The following RBM27 variants were observed in gnomAD, a reference collection of about 807,000 sequenced individuals.
RBM27 encodes RNA binding motif protein 27.
Under a neutral mutation model 135.3 loss-of-function variants are expected in RBM27, and 22 were observed. The observed-to-expected ratio is 0.16, with a 90% CI of 0.12 to 0.23. The LOEUF is 0.23. Ranked by LOEUF, RBM27 falls within the 10% of genes least tolerant of loss-of-function variation. The pLI, the probability that RBM27 is intolerant of heterozygous loss-of-function variation, is 1.00. For missense variants in RBM27, 1,009 were observed against 1,281.0 expected (o/e 0.79, Z 3.24); for synonymous variants, 481 against 442.4 (o/e 1.09, Z -1.10).
intron 14 of RBM27, among the ~76,000 whole-genome samples, chr5:146,267,400 G>A (rs1279887619): frequency 6.6e-6 from 1 of 152,160 alleles, no homozygotes; most frequent in African/African-American, 2.4e-5. Flanking sequence ...GGTCACAGGA[G>A]CACCTTTGTC....
At chr5:146,270,309 T>G (rs1485908892) in intron 17 of RBM27, among the ~76,000 whole-genome samples, 2 of 151,994 alleles carry the variant, frequency 1.3e-5, no homozygotes, top group African/African-American at 4.8e-5. Context: ...TTGTCAGATA[T>G]GTAGAATGTA....
intron 13 of RBM27, among the ~76,000 whole-genome samples, chr5:146,262,604 T>C (rs1335358559): frequency 1.3e-5 from 2 of 152,240 alleles, no homozygotes; most frequent in African/African-American, 4.8e-5. Flanking sequence ...TTCCTTACAG[T>C]ACATGGCATC....
chr5:146,209,019 C>T (rs944430854), intron 1 of RBM27, among the ~76,000 whole-genome samples: 1 of 151,998 alleles, frequency 6.6e-6, no homozygotes, highest in Non-Finnish European at 1.5e-5. Flanking sequence ...TTTCTAGTTC[C>T]GTATCTATCT....
Position 146,261,772 on chromosome 5 carries a change from C to G in RBM27, c.2156C>G (p.Ser719Cys), listed in dbSNP as rs1428982959. Residue 719 changes from serine (S) to cysteine (C), a missense_variant, in exon 13 of 21, where the codon TCT becomes TGT. Ser to Cys is a moderately radical substitution (Grantham distance 112). This residue lies in a region of RBM27 where 355 missense variants were observed against 427.3 expected (regional missense o/e 0.83). Transcript: ENST00000265271. ...CAGCAGCAGGTGCTAGTGGCCCAGT[C>G]TGCTCCTTCAACAGTGCACGGAGGT... ...LHQQQVLVAQSAPSTVHGGIQ... is the reference protein window; with the variant it reads ...LHQQQVLVAQCAPSTVHGGIQ... 2 of 1,614,114 alleles carry G rather than the reference C, an allele frequency of 1.2e-6. No homozygotes were observed. The highest frequency in any genetic ancestry group is 1.3e-5 in the African/African-American group (1 of 74,938).
rs534092920 is a variant in RBM27 at position 146,220,489 on chromosome 5, A to ATATAT, written c.178+1386_178+1387insTATAT. ...GAGTCCATCTCAAAAAAAAAAAAAA[A>ATATAT]ATATATATATATATATATATGTATG... On this transcript the variant is annotated intron_variant, in intron 2 of 20. Coordinates refer to ENST00000265271, the MANE Select transcript of RBM27 (RefSeq NM_018989.2). Among the ~76,000 whole-genome samples the ATATAT allele has an allele frequency of 3.1e-3, 325 of 104,866 alleles. 1 individual carries two copies. Among genetic ancestry groups the ATATAT allele is most frequent in the Non-Finnish European group, 5.3e-3 (252 of 47,948 alleles). The allele number at this position is 104,866 out of a possible 152,430, so 68.8% of individuals were successfully genotyped here. A position where few individuals can be genotyped will look rare whatever the true frequency, so the allele number is the denominator to read the frequency against.
At chr5:146,234,321 G>T (rs1415290516) in intron 7 of RBM27, among the ~76,000 whole-genome samples, 1 of 152,092 alleles carries the variant, frequency 6.6e-6, no homozygotes, top group South Asian at 2.1e-4. Context: ...AATAGTATGT[G>T]TGTTGCAGGT....
rs973862454 is a variant in RBM27, at chr5:146,271,808, G to C, written c.2988+134G>C. 4 of 703,410 alleles carry C rather than the reference G, an allele frequency of 5.7e-6. No homozygotes were observed. In the Admixed American group the frequency reaches 1.2e-4, roughly 22 times the overall value. 43.6% of individuals were successfully genotyped at this position (703,410 alleles called of 1,614,324 possible). On this transcript the variant is annotated intron_variant, in intron 19 of 20. Coordinates refer to ENST00000265271, the MANE Select transcript of RBM27 (RefSeq NM_018989.2). Reference sequence around the variant, plus strand: ...GTAAAAAACATGAGTACTACCAAATGCCTATTTAATATATTTAAAAGTCAA... The same window carrying C: ...GTAAAAAACATGAGTACTACCAAATCCCTATTTAATATATTTAAAAGTCAA...
intron 7 of RBM27, among the ~76,000 whole-genome samples, chr5:146,234,076 C>T (rs1757061581): frequency 6.6e-6 from 1 of 151,690 alleles, no homozygotes; most frequent in South Asian, 2.1e-4. Context: ...TTATGTTGGC[C>T]AGGTTGGTCT....
chr5:146,209,100 C>T (rs1581130311), intron 1 of RBM27, among the ~76,000 whole-genome samples: 1 of 152,136 alleles, frequency 6.6e-6, no homozygotes, highest in East Asian at 1.9e-4. Flanking sequence ...TTTTATTTGC[C>T]TTTTACCTAC....
intron 8 of RBM27, among the ~76,000 whole-genome samples, chr5:146,249,683 CA>C (rs1209651197): frequency 0.016 from 592 of 37,184 alleles, no homozygotes; most frequent in African/African-American, 0.047. Flanking sequence ...GTGAGACTCT[CA>C]AAAAAAAAAA....
chr5:146,248,332 T>A lies in RBM27; in HGVS notation c.1280-3379T>A, dbSNP rs188642318. The stretch of plus-strand genomic sequence containing the variant: ...ACTAAGGTGTACCAGGCTCATCTTA[T>A]AAATTTTCTGCCCTGACCTAGAATT... On this transcript the variant is annotated intron_variant, in intron 8 of 20. Coordinates refer to ENST00000265271, the MANE Select transcript of RBM27 (RefSeq NM_018989.2). Among the ~76,000 whole-genome samples, 119 of 152,138 alleles carry A rather than the reference T, an allele frequency of 7.8e-4. 1 individual carries two copies. The highest frequency in any genetic ancestry group is 2.7e-3 in the African/African-American group (112 of 41,514).
chr5:146,256,412 C>T (rs745610233), intron 10 of RBM27, among the ~76,000 whole-genome samples: 7 of 149,206 alleles, frequency 4.7e-5, no homozygotes, highest in Admixed American at 2.7e-4. Context: ...TGCAGTGGCA[C>T]GATCTCGGCT....
At chr5:146,218,232 A>G (rs913801949) in intron 1 of RBM27, among the ~76,000 whole-genome samples, 1 of 152,228 alleles carries the variant, frequency 6.6e-6, no homozygotes, top group Admixed American at 6.5e-5. Flanking sequence ...AGATTACTAT[A>G]CATCAGGAGT....
intron 8 of RBM27, among the ~76,000 whole-genome samples, 165 bp from the exon 9 acceptor site, chr5:146,251,546 T>C (rs558993132): frequency 1.3e-5 from 2 of 152,344 alleles, no homozygotes; most frequent in East Asian, 3.9e-4. Context: ...GTTGCACGTC[T>C]GTTCTTTCTT....
chr5:146,258,497 A>G lies in RBM27; in HGVS notation c.1643A>G (p.Asn548Ser). ...GAACCACCAGTTCCTGTTTCGATTAATAGCAACATAACCAGAGTAGTTCTT... is the reference window on the plus strand; with the variant it reads ...GAACCACCAGTTCCTGTTTCGATTAGTAGCAACATAACCAGAGTAGTTCTT... Reference protein sequence around the residue: ...QTEPPVPVSINSNITRVVLEP... With the variant: ...QTEPPVPVSISSNITRVVLEP... Residue 548 changes from asparagine to serine, a missense_variant, in exon 11 of 21, where the codon AAT becomes AGT. By Grantham distance (46) the Asn-to-Ser change is conservative. This residue lies in a region of RBM27 where 329 missense variants were observed against 368.1 expected (regional missense o/e 0.89). Transcript: ENST00000265271. 1 of 1,604,600 alleles carries G rather than the reference A, an allele frequency of 6.2e-7. No homozygotes were observed. Among genetic ancestry groups the G allele is most frequent in the Non-Finnish European group, 8.5e-7 (1 of 1,175,302 alleles).
At chr5:146,251,943 G>A (rs1173190444) in intron 9 of RBM27, 68 bp downstream of exon 9, 8 of 1,505,774 alleles carry the variant, frequency 5.3e-6, no homozygotes, top group South Asian at 3.5e-5. Context: ...CAGTCTAAGC[G>A]GTGACCTGGC....
intron 8 of RBM27, among the ~76,000 whole-genome samples, chr5:146,239,652 G>A (rs1757319883): frequency 6.6e-6 from 1 of 150,790 alleles, no homozygotes; most frequent in Non-Finnish European, 1.5e-5. Flanking sequence ...TAATCTTTTT[G>A]TATTTTGGGT....
intron 8 of RBM27, among the ~76,000 whole-genome samples, chr5:146,242,604 TA>T (rs1271436552): frequency 6.6e-6 from 1 of 152,176 alleles, no homozygotes; most frequent in African/African-American, 2.4e-5. Context: ...TTTATTTATT[TA>T]TTTTTTTAGA....
At chr5:146,240,295 T>C (rs1757349651) in intron 8 of RBM27, among the ~76,000 whole-genome samples, 2 of 98,528 alleles carry the variant, frequency 2.0e-5, no homozygotes, top group South Asian at 2.5e-4. Context: ...CTGTTTTCTA[T>C]CTGTCTGTCT....
Sources: allele counts gnomAD v4.1 joint callset (sites outside exome capture counted in the v4.1 genomes callset), GRCh38; gene constraint gnomAD v4.1.1; regional missense constraint gnomAD v4.1.1; transcripts MANE v1.5; gene names NCBI Gene and HGNC (gene_info 2026-07-23, HGNC 2026-07-21).